Variants in KCTD16 observed in about 807,000 individuals in gnomAD.
KCTD16 encodes the protein BTB/POZ domain-containing protein KCTD16.
KCTD16 carries 13 observed loss-of-function variants against 33.2 expected under a neutral mutation model. That is an observed-to-expected ratio of 0.39 (90% CI 0.25 to 0.62). The LOEUF (loss-of-function observed/expected upper bound fraction) is 0.62, where lower values mean the gene tolerates loss of function less well. KCTD16 is among the 20% of genes least tolerant of loss of function. The pLI, the probability that KCTD16 is intolerant of heterozygous loss-of-function variation, is 0.50. For missense variants in KCTD16, 441 were observed against 525.1 expected (o/e 0.84, Z 1.57); for synonymous variants, 197 against 195.3 (o/e 1.01, Z -0.07).
chr5:144,406,664 A>G (rs531354127), intron 3 of KCTD16, among the ~76,000 whole-genome samples: 75 of 152,290 alleles, frequency 4.9e-4, no homozygotes, highest in African/African-American at 1.8e-3. Context: ...TGCTTCACAA[A>G]CCTTGGCCAA....
intron 3 of KCTD16, among the ~76,000 whole-genome samples, chr5:144,464,684 C>T (rs897696055): frequency 6.9e-6 from 1 of 145,388 alleles, no homozygotes; most frequent in Admixed American, 7.2e-5. Context: ...CCTCATCCTC[C>T]TCTTACTCCT....
At chr5:144,430,518 T>C (rs1753434777) in intron 3 of KCTD16, among the ~76,000 whole-genome samples, 1 of 152,112 alleles carries the variant, frequency 6.6e-6, no homozygotes, top group Non-Finnish European at 1.5e-5. Context: ...TCTCTGGACC[T>C]CAAGTTCCTC....
At chr5:144,182,446 A>G (rs898214470) in intron 2 of KCTD16, among the ~76,000 whole-genome samples, 8 of 152,268 alleles carry the variant, frequency 5.3e-5, no homozygotes, top group Non-Finnish European at 8.8e-5. Flanking sequence ...ATACAAAAGC[A>G]GAATAGAATG....
At chr5:144,419,735 G>T (rs1489285182) in intron 3 of KCTD16, among the ~76,000 whole-genome samples, 1 of 151,986 alleles carries the variant, frequency 6.6e-6, no homozygotes, top group East Asian at 1.9e-4. Context: ...ACTACATATG[G>T]CTATATAACA....
chr5:144,249,499 G>A (rs932999982), intron 3 of KCTD16, among the ~76,000 whole-genome samples: 8 of 152,064 alleles, frequency 5.3e-5, no homozygotes, highest in Admixed American at 6.6e-5. Context: ...TACATCTTAA[G>A]CATTCAGTAA....
At chr5:144,358,908 G>C (rs1751638317) in intron 3 of KCTD16, among the ~76,000 whole-genome samples, 1 of 152,128 alleles carries the variant, frequency 6.6e-6, no homozygotes. Context: ...TTGAGGGCCA[G>C]GATTTCCCCA....
At chr5:144,261,219 C>T (rs1031100790) in intron 3 of KCTD16, among the ~76,000 whole-genome samples, 10 of 147,310 alleles carry the variant, frequency 6.8e-5, no homozygotes, top group Non-Finnish European at 1.5e-4. Flanking sequence ...AGAGGGAACA[C>T]CTCCCAGGAA....
chr5:144,340,607 G>A (rs1202788132), intron 3 of KCTD16, among the ~76,000 whole-genome samples: 6 of 152,004 alleles, frequency 3.9e-5, no homozygotes, highest in African/African-American at 1.5e-4. Flanking sequence ...TTAGGAGGTA[G>A]GGTCTTTGGG....
intron 3 of KCTD16, among the ~76,000 whole-genome samples, chr5:144,468,504 G>A (rs1754398516): frequency 6.6e-6 from 1 of 152,166 alleles, no homozygotes; most frequent in Non-Finnish European, 1.5e-5. Context: ...TCAACTGCAA[G>A]CAAGAAATGA....
chr5:144,388,916 ATG>A (rs1053755651), intron 3 of KCTD16, among the ~76,000 whole-genome samples: 1 of 152,172 alleles, frequency 6.6e-6, no homozygotes, highest in Non-Finnish European at 1.5e-5. Context: ...GTGTCTTAAT[ATG>A]TGTGTGTATA....
At chr5:144,232,865 T>C (rs1754144489) in intron 3 of KCTD16, among the ~76,000 whole-genome samples, 1 of 152,096 alleles carries the variant, frequency 6.6e-6, no homozygotes, top group South Asian at 2.1e-4. Context: ...TAAAACTAAA[T>C]AAAATGAAAA....
intron 3 of KCTD16, among the ~76,000 whole-genome samples, chr5:144,403,401 T>C (rs1377056816): frequency 6.6e-6 from 1 of 151,938 alleles, no homozygotes; most frequent in Non-Finnish European, 1.5e-5. Context: ...GAGAGAGTAA[T>C]GCCCTGTGAA....
chr5:144,438,709 C>T (rs920153678), intron 3 of KCTD16, among the ~76,000 whole-genome samples: 3 of 152,200 alleles, frequency 2.0e-5, no homozygotes, highest in African/African-American at 7.2e-5. Flanking sequence ...AGCCTATGGA[C>T]TGAGAATGGG....
chr5:144,201,955 G>A (rs1753052590), intron 2 of KCTD16, among the ~76,000 whole-genome samples: 1 of 152,188 alleles, frequency 6.6e-6, no homozygotes, highest in South Asian at 2.1e-4. Flanking sequence ...TGTAGAGAGT[G>A]ATCACATTAT....
chr5:144,288,555 A>G (rs1200808958), intron 3 of KCTD16, among the ~76,000 whole-genome samples: 1 of 152,222 alleles, frequency 6.6e-6, no homozygotes, highest in Non-Finnish European at 1.5e-5. Flanking sequence ...AGATTTAGGC[A>G]TGTTTAGTAC....
chr5:144,280,018 C>T (rs898452364), intron 3 of KCTD16, among the ~76,000 whole-genome samples: 2 of 152,152 alleles, frequency 1.3e-5, no homozygotes, highest in African/African-American at 2.4e-5. Flanking sequence ...AAATAAACTT[C>T]ACTTTTCTCA....
At chr5:144,224,383 G>GT (rs530446253) in intron 3 of KCTD16, among the ~76,000 whole-genome samples, 33,948 of 100,328 alleles carry the variant, frequency 0.34, 6,897 homozygotes, top group Non-Finnish European at 0.42. Flanking sequence ...AATATAATGT[G>GT]TTTTTTTTTT....
At chr5:144,215,222 A>C (rs1311249132) in intron 3 of KCTD16, among the ~76,000 whole-genome samples, 3 of 152,178 alleles carry the variant, frequency 2.0e-5, no homozygotes, top group African/African-American at 7.2e-5. Flanking sequence ...CCAGCAGCAA[A>C]GACTCCTGTG....
At chr5:144,447,457 G>C (rs1156733729) in intron 3 of KCTD16, among the ~76,000 whole-genome samples, 1 of 151,986 alleles carries the variant, frequency 6.6e-6, no homozygotes, top group Non-Finnish European at 1.5e-5. Context: ...ACCTACTGTA[G>C]ATGATGGGTT....
Sources: gnomAD v4.1 joint callset for allele counts (sites outside exome capture counted in the v4.1 genomes callset) on GRCh38, gnomAD v4.1.1 for gene constraint, MANE v1.5 for transcripts, NCBI Gene and HGNC (gene_info 2026-07-23, HGNC 2026-07-21) for gene names.